The following TSG101 variants were observed in gnomAD, a reference collection of about 807,000 sequenced individuals.
TSG101 encodes tumor susceptibility gene 101 protein.
TSG101 carries 19 observed loss-of-function variants against 48.5 expected under a neutral mutation model. The ratio of observed to expected loss-of-function variants is 0.39; its 90% confidence interval spans 0.27 to 0.58. The LOEUF (loss-of-function observed/expected upper bound fraction) is 0.58. Among genes scored for constraint, TSG101 ranks in the 20% least tolerant of loss-of-function variants. The pLI, the probability that TSG101 is intolerant of heterozygous loss-of-function variation, is 0.55. For missense variants in TSG101, 365 were observed against 484.4 expected, an observed-to-expected ratio of 0.75 and a Z score of 2.31; for synonymous variants, 174 against 169.4, an observed-to-expected ratio of 1.03 and a Z score of -0.21.
intron 6 of TSG101, 75 bp downstream of exon 6, chr11:18,506,782 T>C: frequency 7.9e-7 from 1 of 1,267,204 alleles, no homozygotes; most frequent in African/African-American, 1.5e-5. Context: ...AATGCCCTAA[T>C]TAGCAAATTA....
chr11:18,515,774 C>T (rs1462011651), intron 3 of TSG101, among the ~76,000 whole-genome samples: 3 of 152,158 alleles, frequency 2.0e-5, no homozygotes, highest in Non-Finnish European at 2.9e-5. Context: ...TTCCCATTGT[C>T]AGGAAAGTTT....
intron 6 of TSG101, among the ~76,000 whole-genome samples, chr11:18,506,104 C>T (rs1849967749): frequency 6.6e-6 from 1 of 152,138 alleles, no homozygotes; most frequent in African/African-American, 2.4e-5. Flanking sequence ...GGTAAGATTA[C>T]AGGTGTGAGC....
rs558964048 is a variant in TSG101 at position 18,524,162 on chromosome 11, A to G, written c.42+2613T>C. Among the ~76,000 whole-genome samples, 19 of 152,374 alleles carry G rather than the reference A, an allele frequency of 1.2e-4. No homozygotes were observed. In the South Asian group the frequency reaches 2.7e-3, roughly 22 times the overall value. ...TGCTGTAGATAAACTATGTAAAAATATAAGTGGCTGTATGTATGAAACATC... is the reference window on the plus strand; with the variant it reads ...TGCTGTAGATAAACTATGTAAAAATGTAAGTGGCTGTATGTATGAAACATC... On this transcript the variant is annotated intron_variant, in intron 1 of 9. Transcript: ENST00000251968.
intron 4 of TSG101, among the ~76,000 whole-genome samples, chr11:18,512,596 T>C (rs1442020859): frequency 1.3e-5 from 2 of 152,128 alleles, no homozygotes; most frequent in African/African-American, 2.4e-5. Context: ...TAAATATAAA[T>C]TGTATGCTAG....
intron 1 of TSG101, among the ~76,000 whole-genome samples, chr11:18,520,392 T>G (rs1850250059): frequency 6.6e-6 from 1 of 152,002 alleles, no homozygotes; most frequent in African/African-American, 2.4e-5. Context: ...CCCAGCTAAT[T>G]TATTTTTATT....
At chr11:18,520,746 T>C (rs922465385) in intron 1 of TSG101, among the ~76,000 whole-genome samples, 3 of 152,120 alleles carry the variant, frequency 2.0e-5, no homozygotes, top group Non-Finnish European at 2.9e-5. Flanking sequence ...GATTACAAAA[T>C]TTCCGGCCAG....
At chr11:18,495,233 T>C (rs930398814) in intron 7 of TSG101, among the ~76,000 whole-genome samples, 2 of 152,234 alleles carry the variant, frequency 1.3e-5, no homozygotes, top group African/African-American at 4.8e-5. Context: ...AATTCTGTGG[T>C]AGGTATTGGC....
chr11:18,505,883 T>C (rs1590281146), intron 6 of TSG101, among the ~76,000 whole-genome samples: 1 of 152,104 alleles, frequency 6.6e-6, no homozygotes, highest in Non-Finnish European at 1.5e-5. Flanking sequence ...AATGGCGCGA[T>C]CTCGGCTCAC....
intron 6 of TSG101, among the ~76,000 whole-genome samples, chr11:18,504,910 CCTG>C (rs1345379146): frequency 4.6e-5 from 7 of 152,098 alleles, no homozygotes; most frequent in Non-Finnish European, 1.0e-4. Flanking sequence ...AAATGAATAA[CCTG>C]CTTATATATT....
At chr11:18,506,957 T>C in intron 5 of TSG101, 34 bp from the exon 6 acceptor site, 1 of 1,564,244 alleles carries the variant, frequency 6.4e-7, no homozygotes. Flanking sequence ...GTAAAAATAA[T>C]ATACAAGGCC....
chr11:18,493,362 CTATT>C (rs1282886865), intron 7 of TSG101, among the ~76,000 whole-genome samples: 12 of 152,220 alleles, frequency 7.9e-5, no homozygotes, highest in Non-Finnish European at 8.8e-5. Context: ...TTTAAAGCCA[CTATT>C]TAAACACTTA....
chr11:18,490,924 T>G, intron 7 of TSG101: 4 of 371,258 alleles, frequency 1.1e-5, no homozygotes, highest in Non-Finnish European at 1.6e-5. Context: ...CTCAGTGAGT[T>G]GGCTTTCTGT....
chr11:18,526,169 A>T (rs1850369446), intron 1 of TSG101, among the ~76,000 whole-genome samples: 1 of 152,126 alleles, frequency 6.6e-6, no homozygotes, highest in Non-Finnish European at 1.5e-5. Context: ...AGCCGTGAAG[A>T]TCATAAATTA....
chr11:18,481,757 A>G lies in TSG101; in HGVS notation c.956T>C (p.Ile319Thr). Residue 319 changes from isoleucine to threonine, a missense_variant, in exon 9 of 10, where the codon ATT becomes ACT. Transcript: ENST00000251968. ...SENNDIDEVI[I>T]PTAPLYKQIL... ...CTGTTTGTATAAGGGAGCTGTGGGAATGATAACTTCATCGATATCATTGTT... is the reference window on the plus strand; with the variant it reads ...CTGTTTGTATAAGGGAGCTGTGGGAGTGATAACTTCATCGATATCATTGTT... 6.2e-7 allele frequency: 1 copy of G among 1,614,184 alleles called. No individual in the cohort carries two copies. The highest frequency in any genetic ancestry group is 1.1e-5 in the South Asian group (1 of 91,084).
intron 5 of TSG101, 95 bp downstream of exon 5, chr11:18,509,447 A>C: frequency 2.1e-6 from 3 of 1,452,426 alleles, no homozygotes; most frequent in Non-Finnish European, 2.7e-6. Context: ...TAAACTAAAA[A>C]GCAAAGAAGT....
intron 7 of TSG101, among the ~76,000 whole-genome samples, chr11:18,494,634 T>C (rs1377043742): frequency 6.6e-6 from 1 of 152,234 alleles, no homozygotes; most frequent in Non-Finnish European, 1.5e-5. Context: ...ACTCACTGAC[T>C]GTCCAGGATT....
At chr11:18,508,933 CAG>C (rs1850022676) in intron 5 of TSG101, 1 of 151,292 alleles carries the variant, frequency 6.6e-6, no homozygotes, top group Non-Finnish European at 1.5e-5. Flanking sequence ...CACAATTATT[CAG>C]AGTGATTTTT....
At chr11:18,495,635 G>A (rs1402291961) in intron 7 of TSG101, among the ~76,000 whole-genome samples, 1 of 146,010 alleles carries the variant, frequency 6.8e-6, no homozygotes, top group East Asian at 2.0e-4. Context: ...AAGAATCTTT[G>A]TGTTAAGTTT....
chr11:18,493,290 C>G (rs1345317838), intron 7 of TSG101, among the ~76,000 whole-genome samples: 1 of 152,050 alleles, frequency 6.6e-6, no homozygotes. Flanking sequence ...CTCAATGGAC[C>G]CAAAAATTCA....
Sources: allele counts gnomAD v4.1 joint callset (sites outside exome capture counted in the v4.1 genomes callset), GRCh38; gene constraint gnomAD v4.1.1; transcripts MANE v1.5; gene names NCBI Gene and HGNC (gene_info 2026-07-23, HGNC 2026-07-21).